Variants in DIP2C observed in about 807,000 individuals in gnomAD.
DIP2C encodes the protein DIP2 acetate--CoA ligase C (putative).
DIP2C carries 33 observed loss-of-function variants against 192.4 expected under a neutral mutation model. The ratio of observed to expected loss-of-function variants is 0.17; its 90% confidence interval spans 0.13 to 0.23. The LOEUF (loss-of-function observed/expected upper bound fraction) is 0.23, where lower values mean the gene tolerates loss of function less well. Ranked by LOEUF, DIP2C falls within the 10% of genes least tolerant of loss-of-function variation. The probability of loss-of-function intolerance (pLI) is 1.00; values close to 1 mark genes in which losing one functional copy is unlikely to be tolerated. For missense variants in DIP2C, 1,537 were observed against 2,110.1 expected (o/e 0.73, Z 5.32); for synonymous variants, 979 against 864.1 (o/e 1.13, Z -2.33).
rs559066671 is a variant in DIP2C, at chr10:564,667, G to A, written c.86-78137C>T. Among the ~76,000 whole-genome samples the A allele has an allele frequency of 1.4e-4, 21 of 152,176 alleles. No homozygotes were observed. The South Asian group carries it at 4.4e-3, about 32-fold the overall frequency. On this transcript the variant is annotated intron_variant, in intron 1 of 36. Coordinates refer to ENST00000280886, the MANE Select transcript of DIP2C (RefSeq NM_014974.3). ...TGAGGTAAAAGAAGTTCCCTCCTTA[G>A]CGGATTTCTGTGAGGACTCAATGAG... is the stretch of plus-strand genomic sequence containing the variant.
chr10:383,504 G>T (rs1386221112), intron 16 of DIP2C, among the ~76,000 whole-genome samples: 1 of 152,200 alleles, frequency 6.6e-6, no homozygotes, highest in Non-Finnish European at 1.5e-5. Flanking sequence ...CTGTGGAGCT[G>T]CTAATTTACT....
rs900627225 is a variant in DIP2C at position 684,896 on chromosome 10, G to C, written c.85+4598C>G. 5.9e-5 allele frequency among the ~76,000 whole-genome samples: 9 copies of C among 152,004 alleles called. No individual in the cohort carries two copies. The South Asian group carries it at 1.7e-3, about 28-fold the overall frequency. The stretch of plus-strand genomic sequence containing the variant: ...GCCTGTAATCCCAACACTTTGGGAG[G>C]CTGAGGCAGGGGGATCACCTGAGGT... On this transcript the variant is annotated intron_variant, in intron 1 of 36. Coordinates refer to ENST00000280886, the MANE Select transcript of DIP2C (RefSeq NM_014974.3).
At chr10:582,206 C>G (rs1201262718) in intron 1 of DIP2C, among the ~76,000 whole-genome samples, 1 of 152,216 alleles carries the variant, frequency 6.6e-6, no homozygotes, top group East Asian at 1.9e-4. Flanking sequence ...CAGTCTGCAG[C>G]CCAGGGCTAA....
intron 1 of DIP2C, among the ~76,000 whole-genome samples, chr10:672,791 CAT>C (rs989939424): frequency 7.2e-5 from 11 of 152,166 alleles, no homozygotes; most frequent in Admixed American, 5.9e-4. Context: ...TGACCAGAAA[CAT>C]AAAGATTTCT....
intron 1 of DIP2C, among the ~76,000 whole-genome samples, chr10:588,586 G>A (rs561444401): frequency 9.8e-4 from 150 of 152,316 alleles, no homozygotes; most frequent in African/African-American, 1.3e-3. Context: ...CAGAGGTCCC[G>A]GCAGAGGTCC....
At chr10:562,191 C>T (rs1173840949) in intron 1 of DIP2C, among the ~76,000 whole-genome samples, 3 of 152,240 alleles carry the variant, frequency 2.0e-5, no homozygotes, top group African/African-American at 7.2e-5. Context: ...GAGGGTTGGG[C>T]AGGCCGCATC....
intron 1 of DIP2C, among the ~76,000 whole-genome samples, chr10:683,703 G>C (rs1166715489): frequency 1.3e-5 from 2 of 152,112 alleles, no homozygotes; most frequent in African/African-American, 2.4e-5. Context: ...CTTAATAATG[G>C]GACTGACGGG....
chr10:378,236 T>C (rs1447284869), intron 17 of DIP2C, among the ~76,000 whole-genome samples: 2 of 152,222 alleles, frequency 1.3e-5, no homozygotes, highest in Admixed American at 6.5e-5. Context: ...ATACTTTAAA[T>C]GCCTAGGTGA....
chr10:281,090 C>CCCCT, intron 36 of DIP2C, 110 bp downstream of exon 36: 1 of 1,455,976 alleles, frequency 6.9e-7, no homozygotes, highest in Non-Finnish European at 9.3e-7. Context: ...TGAATCGCAC[C>CCCCT]CCCTTCCCTA....
intron 1 of DIP2C, among the ~76,000 whole-genome samples, chr10:625,818 T>A (rs539464894): frequency 6.6e-6 from 1 of 152,262 alleles, no homozygotes; most frequent in South Asian, 2.1e-4. Context: ...CTGCATATTA[T>A]AAAACTTACT....
chr10:664,392 G>C (rs1398958061), intron 1 of DIP2C: 1 of 152,242 alleles, frequency 6.6e-6, no homozygotes, highest in Non-Finnish European at 1.5e-5. Context: ...CAAGTCCGCT[G>C]TGTTCTGTTA....
In DIP2C at chr10:276,963, G is replaced by A. The variant is rs1202383780; in HGVS notation, c.*362C>T. Reference sequence around the variant, plus strand: ...ATTGTTTAAAAGAACCCATCTGGAGGGCAGGATATTTTTTTAATTGCTATT... The same window carrying A: ...ATTGTTTAAAAGAACCCATCTGGAGAGCAGGATATTTTTTTAATTGCTATT... On this transcript the variant is annotated 3_prime_UTR_variant, in exon 37 of 37. Transcript: ENST00000280886. 1.9e-5 allele frequency: 4 copies of A among 214,740 alleles called. No homozygotes were observed. In the Admixed American group the frequency reaches 2.1e-4, roughly 11 times the overall value. The allele number at this position is 214,740 out of a possible 1,614,324, so 13.3% of individuals were successfully genotyped here.
At chr10:514,037 G>A (rs969053880) in intron 1 of DIP2C, among the ~76,000 whole-genome samples, 2 of 152,158 alleles carry the variant, frequency 1.3e-5, no homozygotes, top group East Asian at 3.9e-4. Flanking sequence ...TCCAATCAGA[G>A]AACAGGAACA....
At chr10:497,379 G>A (rs1405877221) in intron 1 of DIP2C, among the ~76,000 whole-genome samples, 1 of 152,206 alleles carries the variant, frequency 6.6e-6, no homozygotes, top group Non-Finnish European at 1.5e-5. Flanking sequence ...GGCAGGGGAA[G>A]GAATACAGGC....
intron 1 of DIP2C, among the ~76,000 whole-genome samples, chr10:589,343 C>G (rs1011602860): frequency 6.6e-6 from 1 of 152,118 alleles, no homozygotes; most frequent in Admixed American, 6.6e-5. Context: ...TTGATGAAGT[C>G]TTGTCTCCTT....
chr10:611,319 C>T (rs1335738164), intron 1 of DIP2C, among the ~76,000 whole-genome samples: 1 of 152,140 alleles, frequency 6.6e-6, no homozygotes, highest in Non-Finnish European at 1.5e-5. Context: ...CCGATTAAAC[C>T]TTTTTTCCTT....
At chr10:344,029 C>G (rs4242753) in intron 28 of DIP2C, among the ~76,000 whole-genome samples, 149,297 of 152,222 alleles carry the variant, frequency 0.98, 73,266 homozygotes, top group East Asian at 1. Context: ...ATTGACACCA[C>G]TTAAAGAAAA....
intron 23 of DIP2C, 87 bp from the exon 24 acceptor site, chr10:356,593 C>T (rs1959094862): frequency 1.8e-6 from 2 of 1,108,614 alleles, no homozygotes; most frequent in East Asian, 4.8e-5. Context: ...ATACTCAAAC[C>T]CATAGAGGCT....
chr10:448,400 A>AG (rs1968503363), intron 3 of DIP2C, among the ~76,000 whole-genome samples: 1 of 143,196 alleles, frequency 7.0e-6, no homozygotes. Context: ...GCAGTGGGGC[A>AG]GCAGGACCCA....
Sources: gnomAD v4.1 joint callset for allele counts (sites outside exome capture counted in the v4.1 genomes callset) on GRCh38, gnomAD v4.1.1 for gene constraint, MANE v1.5 for transcripts, NCBI Gene and HGNC (gene_info 2026-07-23, HGNC 2026-07-21) for gene names.